RNF220: variants seen among roughly 807,000 people sequenced by gnomAD.
RNF220 encodes the protein ring finger protein 220, also known as E3 ubiquitin-protein ligase RNF220.
In RNF220, 7 loss-of-function variants were observed where a neutral mutation model predicts 67.1. That is an observed-to-expected ratio of 0.10 (90% CI 0.06 to 0.20). RNF220 has a LOEUF of 0.20. Ranked by LOEUF, RNF220 falls within the 10% of genes least tolerant of loss-of-function variation. The pLI, the probability that RNF220 is intolerant of heterozygous loss-of-function variation, is 1.00. For synonymous variants in RNF220, 270 were observed against 283.2 expected (o/e 0.95, Z 0.47); for missense variants, 565 against 740.3 (o/e 0.76, Z 2.75).
intron 5 of RNF220, 195 bp from the exon 6 acceptor site, chr1:44,632,147 CG>C: frequency 6.5e-7 from 1 of 1,540,800 alleles, no homozygotes; most frequent in Non-Finnish European, 8.8e-7. Flanking sequence ...GAGCAGCGCC[CG>C]GCGGCTATGC....
At chr1:44,525,733 A>AAG (rs1660319693) in intron 2 of RNF220, among the ~76,000 whole-genome samples, 1 of 152,028 alleles carries the variant, frequency 6.6e-6, no homozygotes, top group Non-Finnish European at 1.5e-5. Context: ...TGTGAATTTC[A>AAG]GCACCCACAT....
chr1:44,426,579 TAGTC>T (rs531153109), intron 2 of RNF220, among the ~76,000 whole-genome samples: 3 of 151,726 alleles, frequency 2.0e-5, no homozygotes, highest in Non-Finnish European at 4.4e-5. Context: ...ATACAAAAAT[TAGTC>T]AGGCATGGTG....
chr1:44,518,124 T>C (rs1435848169), intron 2 of RNF220, among the ~76,000 whole-genome samples: 2 of 150,430 alleles, frequency 1.3e-5, no homozygotes, highest in African/African-American at 2.5e-5. Flanking sequence ...TAAAATAAAA[T>C]ATAAATAAAT....
Position 44,412,594 on chromosome 1 carries a change from G to C in RNF220, c.497G>C (p.Gly166Ala). The C allele has an allele frequency of 6.2e-7, 1 of 1,614,120 alleles. No individual in the cohort carries two copies. The highest frequency in any genetic ancestry group is 2.2e-5 in the East Asian group (1 of 44,886). Residue 166 changes from glycine (G) to alanine (A), a missense_variant, in exon 2 of 15, where the codon GGG (glycine) becomes GCG (alanine). Transcript: ENST00000361799. The surrounding 1 kb of genome is among the most constrained non-coding windows in gnomAD (Gnocchi z 5.3). Reference protein sequence around the residue: ...SDADGKEYDFGTQLPSSSPGS... With the variant: ...SDADGKEYDFATQLPSSSPGS... ...GCAGATGGCAAGGAATATGACTTTG[G>C]GACACAGCTGCCATCTAGCTCCCCC... is the stretch of plus-strand genomic sequence containing the variant.
intron 2 of RNF220, among the ~76,000 whole-genome samples, chr1:44,517,539 G>T (rs866524692): frequency 6.6e-6 from 1 of 152,058 alleles, no homozygotes; most frequent in South Asian, 2.1e-4. Context: ...TTGTCTTCAA[G>T]TGTGTTTGAC....
chr1:44,488,285 G>A (rs188264974), intron 2 of RNF220, among the ~76,000 whole-genome samples: 279 of 151,988 alleles, frequency 1.8e-3, no homozygotes, highest in Non-Finnish European at 3.0e-3. Context: ...ATAGGCGTGC[G>A]CCACCACACC....
chr1:44,631,351 T>C (rs991832535), intron 5 of RNF220, among the ~76,000 whole-genome samples: 22 of 152,180 alleles, frequency 1.4e-4, no homozygotes, highest in African/African-American at 5.1e-4. Context: ...TAGAAAAGGA[T>C]TGAGTGTGAG....
chr1:44,531,678 C>T (rs1660845509), intron 2 of RNF220, among the ~76,000 whole-genome samples: 2 of 152,136 alleles, frequency 1.3e-5, no homozygotes, highest in Non-Finnish European at 2.9e-5. Context: ...AAGACAGCCC[C>T]CAAAGCCATG....
chr1:44,583,431 A>G (rs111897626), intron 2 of RNF220, among the ~76,000 whole-genome samples: 1 of 152,182 alleles, frequency 6.6e-6, no homozygotes, highest in Admixed American at 6.5e-5. Context: ...ATAGCTGTTC[A>G]AACAGATACT....
Position 44,427,096 on chromosome 1 carries a change from C to T in RNF220, c.625+14374C>T, listed in dbSNP as rs140393678. Among the ~76,000 whole-genome samples, 5 of 152,282 alleles carry T rather than the reference C, an allele frequency of 3.3e-5. No homozygotes were observed. The East Asian group carries it at 9.6e-4, about 29-fold the overall frequency. ...TACAGGTAATAATTGATTTAATCCT[C>T]ATAAAATCCCTACGAGATAGGTGTT... On this transcript the variant is annotated intron_variant, in intron 2 of 14. Transcript: ENST00000361799.
At chr1:44,451,662 G>T (rs913669661) in intron 2 of RNF220, among the ~76,000 whole-genome samples, 1 of 151,512 alleles carries the variant, frequency 6.6e-6, no homozygotes, top group South Asian at 2.1e-4. Context: ...GGCTCTTGTC[G>T]CCCAGGCTAG....
rs1353649496 is a variant in RNF220 at position 44,482,286 on chromosome 1, G to A, written c.625+69564G>A. 2.6e-5 allele frequency among the ~76,000 whole-genome samples: 4 copies of A among 152,170 alleles called. No individual in the cohort carries two copies. The South Asian group carries it at 6.2e-4, about 24-fold the overall frequency. On this transcript the variant is annotated intron_variant, in intron 2 of 14. Transcript: ENST00000361799. ...AAATGAGACAAAACTAAGAATACAC[G>A]GCCTGCAGACCAGACCTGGTCTAGT...
rs1025015752 is a variant in RNF220 at position 44,596,130 on chromosome 1, A to G, written c.626-18035A>G. Among the ~76,000 whole-genome samples the G allele has an allele frequency of 7.2e-5, 11 of 152,242 alleles. No homozygotes were observed. In the East Asian group the frequency reaches 2.1e-3, roughly 29 times the overall value. Reference sequence around the variant, plus strand: ...TGGAAATGGACTTTTAGGAAGGACAACAACTAAAAAGCAACTCAAGGAAGG... The same window carrying G: ...TGGAAATGGACTTTTAGGAAGGACAGCAACTAAAAAGCAACTCAAGGAAGG... On this transcript the variant is annotated intron_variant, in intron 2 of 14. Transcript: ENST00000361799.
chr1:44,563,252 C>A (rs372309037), intron 2 of RNF220, among the ~76,000 whole-genome samples: 3 of 152,284 alleles, frequency 2.0e-5, no homozygotes, highest in South Asian at 4.1e-4. Context: ...GCTGGGCTAG[C>A]CTTGCTGGAG....
rs1644773426 is a variant in RNF220, at chr1:44,650,879, T to C, written c.*104T>C. 6.2e-6 allele frequency: 6 copies of C among 961,132 alleles called. No homozygotes were observed. The Admixed American group carries it at 9.0e-5, about 14-fold the overall frequency. The allele number at this position is 961,132 out of a possible 1,614,324, so 59.5% of individuals were successfully genotyped here. The stretch of plus-strand genomic sequence containing the variant: ...TACATACTTGCACACAGGTTCCCCA[T>C]GTACATACATGCACATACTCAAACA... On this transcript the variant is annotated 3_prime_UTR_variant, in exon 15 of 15. Coordinates refer to ENST00000361799, the MANE Select transcript of RNF220 (RefSeq NM_018150.4). This position sits in a 1 kb window ranked among gnomAD's most constrained non-coding sequence, Gnocchi z 4.3.
intron 5 of RNF220, among the ~76,000 whole-genome samples, chr1:44,630,549 G>A (rs192609753): frequency 5.3e-4 from 80 of 152,370 alleles, no homozygotes; most frequent in African/African-American, 1.9e-3. Flanking sequence ...AATGGCTAGA[G>A]ATGACCTTCC....
At chr1:44,490,685 GAAAA>G (rs1355264924) in intron 2 of RNF220, among the ~76,000 whole-genome samples, 1 of 150,704 alleles carries the variant, frequency 6.6e-6, no homozygotes, top group African/African-American at 2.4e-5. Flanking sequence ...TTTAAAAACT[GAAAA>G]AAAGAGCAAA....
chr1:44,569,371 T>A (rs562471811), intron 2 of RNF220, among the ~76,000 whole-genome samples: 1 of 152,324 alleles, frequency 6.6e-6, no homozygotes, highest in South Asian at 2.1e-4. Context: ...AAATTACACG[T>A]AACATTGCAT....
At chr1:44,444,906 G>A (rs1651927189) in intron 2 of RNF220, among the ~76,000 whole-genome samples, 1 of 152,126 alleles carries the variant, frequency 6.6e-6, no homozygotes, top group African/African-American at 2.4e-5. Context: ...CTGCCTCCTG[G>A]GGAAAGTGTT....
Sources: gnomAD v4.1 joint callset for allele counts (sites outside exome capture counted in the v4.1 genomes callset) on GRCh38, gnomAD v4.1.1 for gene constraint, Gnocchi (gnomAD v3.1) non-coding constraint, MANE v1.5 for transcripts, NCBI Gene and HGNC (gene_info 2026-07-23, HGNC 2026-07-21) for gene names.